The following ESYT3 variants were observed in gnomAD, a reference collection of about 807,000 sequenced individuals.
ESYT3 encodes the protein extended synaptotagmin 3.
ESYT3 carries 101 observed loss-of-function variants against 111.5 expected under a neutral mutation model. That is an observed-to-expected ratio of 0.91 (90% CI 0.77 to 1.07). ESYT3 has a LOEUF of 1.07. Ranked by LOEUF, ESYT3 falls within the 50% of genes least tolerant of loss-of-function variation. The pLI is 0.00. For synonymous variants in ESYT3, 416 were observed against 446.8 expected, an observed-to-expected ratio of 0.93 and a Z score of 0.87; for missense variants, 1,097 against 1,109.4, an observed-to-expected ratio of 0.99 and a Z score of 0.16.
At chr3:138,465,152 C>T (rs2032860134) in intron 9 of ESYT3, among the ~76,000 whole-genome samples, 187 bp from the exon 10 acceptor site, 1 of 152,204 alleles carries the variant, frequency 6.6e-6, no homozygotes, top group African/African-American at 2.4e-5. Flanking sequence ...ATGGCTTGCA[C>T]ATGTTTTCTC....
rs1236033932 is a variant in ESYT3, at chr3:138,440,653, C to G, written c.327+5528C>G. Reference sequence around the variant, plus strand: ...AATGGCTTGGAGTCAGGCCTGTCCTCGGGAAGGAAGAGGCAGATAAATTTT... The same window carrying G: ...AATGGCTTGGAGTCAGGCCTGTCCTGGGGAAGGAAGAGGCAGATAAATTTT... On this transcript the variant is annotated intron_variant, in intron 1 of 22. Transcript: ENST00000389567. This position sits in a 1 kb window ranked among gnomAD's most constrained non-coding sequence, Gnocchi z 4.2. 6.6e-6 allele frequency among the ~76,000 whole-genome samples: 1 copy of G among 152,106 alleles called. No individual in the cohort carries two copies. The highest frequency in any genetic ancestry group is 1.5e-5 in the Non-Finnish European group (1 of 68,024).
At chr3:138,464,742 ACAAAT>A (rs2032838842) in intron 9 of ESYT3, among the ~76,000 whole-genome samples, 1 of 152,208 alleles carries the variant, frequency 6.6e-6, no homozygotes, top group African/African-American at 2.4e-5. Flanking sequence ...TTAGAAGTTA[ACAAAT>A]CAAAGAGAAA....
chr3:138,439,937 G>A (rs1443183681), intron 1 of ESYT3, among the ~76,000 whole-genome samples: 1 of 152,206 alleles, frequency 6.6e-6, no homozygotes, highest in African/African-American at 2.4e-5. Flanking sequence ...TGCTGGTGAG[G>A]TGGTCGTGAT....
At position 138,476,220 on chromosome 3, in the gene ESYT3, A is replaced by G. The variant is rs776409875; in HGVS notation, c.2469-3A>G. 6.9e-6 allele frequency: 11 copies of G among 1,598,702 alleles called. No homozygotes were observed. In the East Asian group the frequency reaches 1.6e-4, roughly 23 times the overall value. On this transcript the variant is annotated splice_polypyrimidine_tract_variant and splice_region_variant and intron_variant, in intron 20 of 22. Transcript: ENST00000389567. ...ATTCTCACTTCCTTTTTGCTTCCTA[A>G]AGATTTGAATTTTTTGTTCCCATGG...
intron 17 of ESYT3, among the ~76,000 whole-genome samples, chr3:138,471,996 C>T (rs2033244079): frequency 6.6e-6 from 1 of 152,184 alleles, no homozygotes; most frequent in Non-Finnish European, 1.5e-5. Context: ...AAAGAGATCC[C>T]ACCTTCATGG....
chr3:138,453,185 A>C (rs1214614022), intron 2 of ESYT3, among the ~76,000 whole-genome samples: 1 of 152,232 alleles, frequency 6.6e-6, no homozygotes, highest in Non-Finnish European at 1.5e-5. Flanking sequence ...CCTCTGGGCA[A>C]ACCTTGTAGA....
chr3:138,467,961 G>C (rs1025634550), intron 11 of ESYT3, 144 bp from the exon 12 acceptor site: 19 of 673,356 alleles, frequency 2.8e-5, no homozygotes, highest in Non-Finnish European at 4.9e-5. Flanking sequence ...AGCATACCCT[G>C]TCTGGGCTGG....
chr3:138,441,125 T>G (rs183703381), intron 1 of ESYT3, among the ~76,000 whole-genome samples: 6 of 152,040 alleles, frequency 3.9e-5, no homozygotes, highest in African/African-American at 1.4e-4. Flanking sequence ...TGGTAGGGAG[T>G]TGGGGACTCG....
At position 138,435,119 on chromosome 3, in the gene ESYT3, A is replaced by G; in HGVS notation, c.321A>G (p.Pro107=). The G allele has an allele frequency of 2.5e-6, 4 of 1,578,080 alleles. No homozygotes were observed. Among genetic ancestry groups the G allele is most frequent in the Non-Finnish European group, 3.4e-6 (4 of 1,163,336 alleles). Residue 107 remains proline, a synonymous_variant, in exon 1 of 23, where the codon CCA becomes CCG. Transcript: ENST00000389567. This position sits in a 1 kb window ranked among gnomAD's most constrained non-coding sequence, Gnocchi z 4.8. ...ISRELRGQHL[P]AWIHFPDVER... ...GCGAGCTGCGGGGCCAGCACCTGCC[A>G]GCCTGGGTGAGCCAAGCCGGGTGGG... is the stretch of plus-strand genomic sequence containing the variant.
rs953848288 is a variant in ESYT3, at chr3:138,440,914, G to A, written c.327+5789G>A. On this transcript the variant is annotated intron_variant, in intron 1 of 22. Transcript: ENST00000389567. The surrounding 1 kb of genome is among the most constrained non-coding windows in gnomAD (Gnocchi z 4.2). ...CAGGCGGGGCAGCATGAGTACACAT[G>A]GCCCCTGCCCTTGAGGAACCCATGA... 1.3e-5 allele frequency among the ~76,000 whole-genome samples: 2 copies of A among 152,240 alleles called. No homozygotes were observed. The highest frequency in any genetic ancestry group is 4.8e-5 in the African/African-American group (2 of 41,466).
At chr3:138,452,370 C>A (rs540182246) in intron 2 of ESYT3, among the ~76,000 whole-genome samples, 1 of 152,148 alleles carries the variant, frequency 6.6e-6, no homozygotes, top group African/African-American at 2.4e-5. Flanking sequence ...CTGTACTTTC[C>A]TAGGGAGAGG....
At chr3:138,476,668 C>T in intron 22 of ESYT3, 150 bp from the exon 23 acceptor site, 1 of 1,039,738 alleles carries the variant, frequency 9.6e-7, no homozygotes, top group Non-Finnish European at 1.5e-6. Context: ...TAAACTCTAG[C>T]CTTAACCCTG....
At chr3:138,449,845 A>G (rs2031809294) in intron 1 of ESYT3, among the ~76,000 whole-genome samples, 1 of 152,336 alleles carries the variant, frequency 6.6e-6, no homozygotes, top group South Asian at 2.1e-4. Flanking sequence ...GCCATGCTTC[A>G]TTCATTCATT....
intron 2 of ESYT3, 101 bp from the exon 3 acceptor site, chr3:138,455,093 C>G: frequency 7.0e-7 from 1 of 1,437,312 alleles, no homozygotes; most frequent in Non-Finnish European, 9.6e-7. Flanking sequence ...ACCCCCACCC[C>G]AAGACCAGGC....
rs1283565421 is a variant in ESYT3, at chr3:138,478,052, T to C, written c.*1198T>C. Reference sequence around the variant, plus strand: ...TCATGTCTCAAACCTATTTCCTCTATTAAGTAAGTCAGTCAATCCATAGTG... The same window carrying C: ...TCATGTCTCAAACCTATTTCCTCTACTAAGTAAGTCAGTCAATCCATAGTG... On this transcript the variant is annotated 3_prime_UTR_variant, in exon 23 of 23. Transcript: ENST00000389567. The C allele has an allele frequency of 6.6e-6, 1 of 152,216 alleles. No homozygotes were observed. The highest frequency in any genetic ancestry group is 1.5e-5 in the Non-Finnish European group (1 of 68,020). The allele number at this position is 152,216 out of a possible 1,614,324, so 9.4% of individuals were successfully genotyped here.
rs1242215529 is a variant in ESYT3 at position 138,459,197 on chromosome 3, G to A, written c.592G>A (p.Asp198Asn). ...CACCCCCCATTTCAGCTACATCGGGGACTGTGAGATCAGTGTGGAGCTGCA... is the reference window on the plus strand; with the variant it reads ...CACCCCCCATTTCAGCTACATCGGGAACTGTGAGATCAGTGTGGAGCTGCA... ...TVDLQICYIG[D>N]CEISVELQKI... is the part of the protein sequence containing the mutation. The change falls in exon 5 of 23, where the codon GAC becomes AAC. Residue 198 changes from aspartate to asparagine, a missense_variant. By Grantham distance (23) the Asp-to-Asn change is conservative. Coordinates refer to ENST00000389567, the MANE Select transcript of ESYT3 (RefSeq NM_031913.5). 25 of 1,537,790 alleles carry A rather than the reference G, an allele frequency of 1.6e-5. No homozygotes were observed. The highest frequency in any genetic ancestry group is 2.2e-5 in the Non-Finnish European group (25 of 1,133,074).
At chr3:138,460,709 G>A (rs2032583899) in intron 7 of ESYT3, 43 bp downstream of exon 7, 1 of 1,597,602 alleles carries the variant, frequency 6.3e-7, no homozygotes, top group Non-Finnish European at 8.6e-7. Context: ...TAAGTTTGGG[G>A]GCCTCCAGGG....
At chr3:138,468,583 T>C in intron 12 of ESYT3, 72 bp from the exon 13 acceptor site, 2 of 1,513,324 alleles carry the variant, frequency 1.3e-6, no homozygotes, top group Non-Finnish European at 1.8e-6. Context: ...CTGCCATGAG[T>C]AGGCTTCTCC....
At chr3:138,445,192 C>T (rs1470751376) in intron 1 of ESYT3, among the ~76,000 whole-genome samples, 1 of 152,208 alleles carries the variant, frequency 6.6e-6, no homozygotes, top group Non-Finnish European at 1.5e-5. Context: ...GGTGACTCCC[C>T]ACTAGCTGGT....
Sources: allele counts gnomAD v4.1 joint callset (sites outside exome capture counted in the v4.1 genomes callset), GRCh38; gene constraint gnomAD v4.1.1; non-coding constraint Gnocchi (gnomAD v3.1); transcripts MANE v1.5; gene names NCBI Gene and HGNC (gene_info 2026-07-23, HGNC 2026-07-21).